TMC1: variants seen among roughly 807,000 people sequenced by gnomAD.
TMC1 encodes the protein transmembrane channel-like protein 1.
A neutral mutation model predicts 105.8 loss-of-function variants in TMC1; 84 were observed. The ratio of observed to expected loss-of-function variants is 0.79; its 90% CI spans 0.67 to 0.95. The LOEUF is 0.95. Among genes scored for constraint, TMC1 ranks in the 40% least tolerant of loss-of-function variants. The pLI is 0.00. For missense variants in TMC1, 817 were observed against 914.1 expected (o/e 0.89, Z 1.37); for synonymous variants, 315 against 311.5 (o/e 1.01, Z -0.12).
At chr9:72,631,397 C>T (rs1285238072) in intron 4 of TMC1, among the ~76,000 whole-genome samples, 1 of 152,090 alleles carries the variant, frequency 6.6e-6, no homozygotes. Flanking sequence ...TAAAAATTCT[C>T]AGTGTTAACT....
chr9:72,766,847 G>A (rs986819785), intron 12 of TMC1, among the ~76,000 whole-genome samples: 1 of 152,106 alleles, frequency 6.6e-6, no homozygotes, highest in African/African-American at 2.4e-5. Context: ...TGGAGCAAAA[G>A]GAAAATAAAA....
At chr9:72,702,753 A>G (rs1272490322) in intron 8 of TMC1, among the ~76,000 whole-genome samples, 1 of 152,180 alleles carries the variant, frequency 6.6e-6, no homozygotes, top group Admixed American at 6.5e-5. Flanking sequence ...GCATTTGACA[A>G]TTTAGCAAAA....
chr9:72,685,744 C>G (rs548431510), intron 5 of TMC1, among the ~76,000 whole-genome samples: 1 of 152,270 alleles, frequency 6.6e-6, no homozygotes, highest in East Asian at 1.9e-4. Context: ...AAACCCTTAT[C>G]CAAGAGCATT....
chr9:72,639,468 A>G (rs1262261738), intron 4 of TMC1, among the ~76,000 whole-genome samples: 1 of 152,070 alleles, frequency 6.6e-6, no homozygotes, highest in Non-Finnish European at 1.5e-5. Context: ...TTTTTTAGAA[A>G]CCTAATTATT....
chr9:72,589,461 A>G (rs1026918086), intron 2 of TMC1, among the ~76,000 whole-genome samples: 9 of 152,232 alleles, frequency 5.9e-5, no homozygotes, highest in Non-Finnish European at 1.0e-4. Flanking sequence ...TATTAAATGT[A>G]TATTTTTGTA....
chr9:72,812,473 C>T (rs1382074618), intron 18 of TMC1, among the ~76,000 whole-genome samples: 5 of 152,178 alleles, frequency 3.3e-5, no homozygotes, highest in Non-Finnish European at 1.5e-5. Flanking sequence ...AAGTACAAAG[C>T]CTCAAGTGCT....
intron 5 of TMC1, among the ~76,000 whole-genome samples, chr9:72,649,742 G>C (rs1212714969): frequency 6.6e-6 from 1 of 152,098 alleles, no homozygotes; most frequent in African/African-American, 2.4e-5. Flanking sequence ...TTTTTCATTA[G>C]TAAGAACAGG....
At chr9:72,562,053 G>A (rs1203182739) in intron 1 of TMC1, among the ~76,000 whole-genome samples, 1 of 151,390 alleles carries the variant, frequency 6.6e-6, no homozygotes, top group African/African-American at 2.4e-5. Flanking sequence ...GCCCAAACAA[G>A]TCAACAGTAA....
At chr9:72,790,387 A>G (rs767209476) in intron 15 of TMC1, among the ~76,000 whole-genome samples, 4 of 152,214 alleles carry the variant, frequency 2.6e-5, no homozygotes, top group Non-Finnish European at 4.4e-5. Flanking sequence ...TTTAATATAC[A>G]GTCATGTCAT....
intron 5 of TMC1, among the ~76,000 whole-genome samples, chr9:72,682,625 T>C (rs1588028996): frequency 6.6e-6 from 1 of 152,212 alleles, no homozygotes; most frequent in Non-Finnish European, 1.5e-5. Context: ...TATTTTATTC[T>C]AGAGTAAGAA....
At chr9:72,532,846 A>C (rs1262940553) in intron 1 of TMC1, among the ~76,000 whole-genome samples, 1 of 152,222 alleles carries the variant, frequency 6.6e-6, no homozygotes, top group Non-Finnish European at 1.5e-5. Context: ...TAAATTTTCC[A>C]AGTGTTTGAG....
intron 13 of TMC1, among the ~76,000 whole-genome samples, chr9:72,774,383 A>G (rs1304016006): frequency 3.9e-5 from 6 of 152,180 alleles, no homozygotes; most frequent in Admixed American, 3.9e-4. Flanking sequence ...CAATCAATAT[A>G]AAATTATTAT....
At chr9:72,549,208 A>G (rs1278838433) in intron 1 of TMC1, among the ~76,000 whole-genome samples, 2 of 152,204 alleles carry the variant, frequency 1.3e-5, no homozygotes, top group African/African-American at 4.8e-5. Flanking sequence ...GGTAATCATC[A>G]GACATTATAT....
intron 4 of TMC1, among the ~76,000 whole-genome samples, chr9:72,640,508 T>C (rs982626270): frequency 3.9e-5 from 6 of 152,212 alleles, no homozygotes; most frequent in Non-Finnish European, 8.8e-5. Flanking sequence ...AGTGCCAATC[T>C]CCTCTTACCT....
chr9:72,538,391 A>ATGTATTG lies in TMC1; in HGVS notation c.-428+16479_-428+16480insGTATTGT, dbSNP rs1206947943. ...TCAAATAAATATATTTTGGGATAAA[A>ATGTATTG]TACTTGTATTGTATTGTATTGTATT... On this transcript the variant is annotated intron_variant, in intron 1 of 23. Transcript: ENST00000297784. 3.1e-4 allele frequency among the ~76,000 whole-genome samples: 33 copies of ATGTATTG among 107,792 alleles called. No individual in the cohort carries two copies. The East Asian group carries it at 6.4e-3, about 21-fold the overall frequency. The allele number at this position is 107,792 out of a possible 152,430, so 70.7% of individuals were successfully genotyped here. A position where few individuals can be genotyped will look rare whatever the true frequency, so the allele number is the denominator to read the frequency against.
At chr9:72,614,867 A>AT (rs1227140608) in intron 2 of TMC1, among the ~76,000 whole-genome samples, 1 of 152,066 alleles carries the variant, frequency 6.6e-6, no homozygotes, top group Non-Finnish European at 1.5e-5. Flanking sequence ...TTTAGTAGAG[A>AT]CAGGGTTTCA....
intron 2 of TMC1, among the ~76,000 whole-genome samples, chr9:72,603,696 C>G (rs534163328): frequency 2.6e-4 from 40 of 151,862 alleles, no homozygotes; most frequent in African/African-American, 8.9e-4. Context: ...ATTACAGGCC[C>G]CCGCCACCAT....
At chr9:72,591,213 CCT>C (rs2132105791) in intron 2 of TMC1, among the ~76,000 whole-genome samples, 1 of 152,138 alleles carries the variant, frequency 6.6e-6, no homozygotes, top group African/African-American at 2.4e-5. Context: ...AGAGGTGGCA[CCT>C]CTACTTAAGA....
intron 1 of TMC1, among the ~76,000 whole-genome samples, chr9:72,570,140 CTTAG>C (rs756315515): frequency 1.3e-5 from 2 of 151,610 alleles, no homozygotes; most frequent in African/African-American, 2.4e-5. Flanking sequence ...AAAATTAGGG[CTTAG>C]TTAGTTATTG....
Sources: allele counts gnomAD v4.1 joint callset (sites outside exome capture counted in the v4.1 genomes callset), GRCh38; gene constraint gnomAD v4.1.1; transcripts MANE v1.5; gene names NCBI Gene and HGNC (gene_info 2026-07-23, HGNC 2026-07-21).